SGCZ: variants seen among roughly 807,000 people sequenced by gnomAD.
The protein encoded by SGCZ is zeta-sarcoglycan.
A neutral mutation model predicts 41.3 loss-of-function variants in SGCZ; 40 were observed. That is an observed-to-expected ratio of 0.97 (90% CI 0.75 to 1.26). The LOEUF (loss-of-function observed/expected upper bound fraction) is 1.26, where lower values mean the gene tolerates loss of function less well. SGCZ is among the 50% of genes most tolerant of loss of function. The probability of loss-of-function intolerance (pLI) is 0.00; values close to 1 mark genes in which losing one functional copy is unlikely to be tolerated. For missense variants in SGCZ, 552 were observed against 369.8 expected, an observed-to-expected ratio of 1.49 and a Z score of -4.04; for synonymous variants, 206 against 137.5, an observed-to-expected ratio of 1.50 and a Z score of -3.49.
intron 1 of SGCZ, among the ~76,000 whole-genome samples, chr8:14,801,420 T>C (rs976329469): frequency 6.6e-6 from 1 of 152,228 alleles, no homozygotes; most frequent in Non-Finnish European, 1.5e-5. Flanking sequence ...AAGCAAATTA[T>C]AAATTTGGAA....
At chr8:14,127,610 C>T (rs1040534452) in intron 5 of SGCZ, among the ~76,000 whole-genome samples, 8 of 152,046 alleles carry the variant, frequency 5.3e-5, no homozygotes, top group African/African-American at 1.9e-4. Context: ...CACCCACTAC[C>T]ACACCAGGCT....
intron 1 of SGCZ, among the ~76,000 whole-genome samples, chr8:15,011,033 T>C (rs1802809198): frequency 6.6e-6 from 1 of 151,218 alleles, no homozygotes; most frequent in African/African-American, 2.5e-5. Context: ...TAAACGAAGA[T>C]TATCAGTTTT....
chr8:14,226,536 T>C (rs187008121), intron 4 of SGCZ, among the ~76,000 whole-genome samples: 164 of 152,242 alleles, frequency 1.1e-3, no homozygotes, highest in African/African-American at 3.7e-3. Context: ...TGTCAATAGC[T>C]TTTTTAAAAA....
chr8:14,962,306 A>G lies in SGCZ; in HGVS notation c.39+275279T>C, dbSNP rs531240511. On this transcript the variant is annotated intron_variant, in intron 1 of 7. Coordinates refer to ENST00000382080, the MANE Select transcript of SGCZ (RefSeq NM_139167.4). ...TTATACCATGCATTTAAGAAAAGAC[A>G]TATTGCCTCAAATGTTGATAGCTAT... Among the ~76,000 whole-genome samples the G allele has an allele frequency of 5.9e-5, 9 of 152,246 alleles. No individual in the cohort carries two copies. In the East Asian group the frequency reaches 1.7e-3, roughly 29 times the overall value.
intron 1 of SGCZ, among the ~76,000 whole-genome samples, chr8:14,835,989 T>C (rs911154298): frequency 1.3e-5 from 2 of 152,168 alleles, no homozygotes; most frequent in East Asian, 3.9e-4. Context: ...GCCCAGCACG[T>C]GAGACTTGAA....
chr8:14,117,416 G>T (rs1585149832), intron 5 of SGCZ, among the ~76,000 whole-genome samples: 1 of 99,558 alleles, frequency 1.0e-5, no homozygotes, highest in African/African-American at 3.5e-5. Flanking sequence ...ATCTGTGTGT[G>T]TGTGTGTGTG....
chr8:14,573,654 G>C (rs1249436474), intron 1 of SGCZ, among the ~76,000 whole-genome samples: 2 of 152,040 alleles, frequency 1.3e-5, no homozygotes, highest in Non-Finnish European at 2.9e-5. Flanking sequence ...CTTATGGCAG[G>C]AGAGACTGGT....
chr8:14,387,061 T>C (rs1000151528), intron 2 of SGCZ, among the ~76,000 whole-genome samples: 2 of 152,174 alleles, frequency 1.3e-5, no homozygotes, highest in African/African-American at 4.8e-5. Flanking sequence ...AAAACACATT[T>C]ATGTTTGTTT....
At chr8:15,134,111 G>T (rs549747618) in intron 1 of SGCZ, among the ~76,000 whole-genome samples, 1 of 152,010 alleles carries the variant, frequency 6.6e-6, no homozygotes, top group South Asian at 2.1e-4. Flanking sequence ...GCCTTTATAA[G>T]GCTATTTAAT....
chr8:14,185,238 A>T (rs1804864710), intron 4 of SGCZ, among the ~76,000 whole-genome samples: 1 of 151,934 alleles, frequency 6.6e-6, no homozygotes, highest in African/African-American at 2.4e-5. Context: ...TATCCCTACT[A>T]AAAAGATACA....
intron 1 of SGCZ, among the ~76,000 whole-genome samples, chr8:14,855,450 T>C (rs1563317884): frequency 6.6e-6 from 1 of 152,112 alleles, no homozygotes; most frequent in South Asian, 2.1e-4. Context: ...TGTCAAAACA[T>C]TGCCCCATTT....
chr8:14,347,268 A>G lies in SGCZ; in HGVS notation c.235-23064T>C, dbSNP rs77278970. Among the ~76,000 whole-genome samples the G allele has an allele frequency of 1.0e-3, 154 of 152,254 alleles. 6 individuals carry two copies. In the East Asian group the frequency reaches 0.026, roughly 26 times the overall value. On this transcript the variant is annotated intron_variant, in intron 2 of 7. Coordinates refer to ENST00000382080, the MANE Select transcript of SGCZ (RefSeq NM_139167.4). The stretch of plus-strand genomic sequence containing the variant: ...GTGTGGCCTCTGGCAGAATTCCTAC[A>G]CTGAAGAGAACTTCAGTGCAATGTC...
intron 1 of SGCZ, among the ~76,000 whole-genome samples, chr8:15,033,772 C>G (rs896220947): frequency 2.0e-5 from 3 of 152,146 alleles, no homozygotes; most frequent in Non-Finnish European, 4.4e-5. Flanking sequence ...TTCAGGTTGT[C>G]TCCTGAGGAT....
chr8:14,376,242 C>T (rs1025618298), intron 2 of SGCZ, among the ~76,000 whole-genome samples: 9 of 151,954 alleles, frequency 5.9e-5, no homozygotes, highest in East Asian at 1.9e-4. Flanking sequence ...ACCTGGCAGG[C>T]GGAGGTTGCA....
At chr8:14,701,477 G>A (rs575266111) in intron 1 of SGCZ, among the ~76,000 whole-genome samples, 4 of 151,818 alleles carry the variant, frequency 2.6e-5, no homozygotes, top group Admixed American at 1.3e-4. Context: ...TCTTCTCACC[G>A]TCTACTTCTA....
Position 14,362,029 on chromosome 8 carries a change from T to C in SGCZ, c.235-37825A>G, listed in dbSNP as rs1371886733. Among the ~76,000 whole-genome samples, 4 of 152,118 alleles carry C rather than the reference T, an allele frequency of 2.6e-5. No homozygotes were observed. In the East Asian group the frequency reaches 7.7e-4, roughly 29 times the overall value. On this transcript the variant is annotated intron_variant, in intron 2 of 7. Transcript: ENST00000382080. ...CCAGCAGAGGCTGCAGAACAGCAAA[T>C]ATTGCTGCCTGATCCTTCCTCTAGA...
chr8:14,108,563 A>G (rs2117002019), intron 5 of SGCZ, among the ~76,000 whole-genome samples: 1 of 152,220 alleles, frequency 6.6e-6, no homozygotes, highest in East Asian at 1.9e-4. Context: ...ATCTCGTGAG[A>G]CTTATTCACG....
chr8:14,765,746 G>A (rs1216278357), intron 1 of SGCZ, among the ~76,000 whole-genome samples: 1 of 152,172 alleles, frequency 6.6e-6, no homozygotes. Flanking sequence ...AGTATGGGGA[G>A]AAGGCCATGG....
At chr8:15,097,842 G>A (rs5029601) in intron 1 of SGCZ, among the ~76,000 whole-genome samples, 5,723 of 21,252 alleles carry the variant, frequency 0.27, 645 homozygotes, top group African/African-American at 0.42. Flanking sequence ...ATACGTGTGT[G>A]TATATATATA....
Sources: gnomAD v4.1 joint callset for allele counts (sites outside exome capture counted in the v4.1 genomes callset) on GRCh38, gnomAD v4.1.1 for gene constraint, MANE v1.5 for transcripts, NCBI Gene and HGNC (gene_info 2026-07-23, HGNC 2026-07-21) for gene names.